The following DMD variants were observed in gnomAD, a reference collection of about 807,000 sequenced individuals.
The protein encoded by DMD is dystrophin.
DMD carries 63 observed loss-of-function variants against 330.1 expected under a neutral mutation model. That is an observed-to-expected ratio of 0.19 (90% CI 0.16 to 0.24). DMD has a LOEUF of 0.24. Among genes scored for constraint, DMD ranks in the 10% least tolerant of loss-of-function variants. The probability of loss-of-function intolerance (pLI) is 1.00; values close to 1 mark genes in which losing one functional copy is unlikely to be tolerated. For missense variants in DMD, 3,344 were observed against 2,684.1 expected (o/e 1.25, Z -5.43); for synonymous variants, 1,223 against 959.8 (o/e 1.27, Z -5.07).
chrX:32,498,880 G>A (rs962752803), intron 19 of DMD, among the ~76,000 whole-genome samples: 4 of 111,261 alleles, frequency 3.6e-5, no homozygotes, highest in Admixed American at 9.6e-5. Flanking sequence ...TGTAACCATG[G>A]TAAATTTTGT....
chrX:31,449,815 GAAATCTGGCT>G (rs2065593019), intron 59 of DMD, among the ~76,000 whole-genome samples: 1 of 89,150 alleles, frequency 1.1e-5, no homozygotes, highest in African/African-American at 4.2e-5. Flanking sequence ...TAGATAGATA[GAAATCTGGCT>G]ATATATATAT....
chrX:31,417,647 A>G (rs1037234183), intron 60 of DMD, among the ~76,000 whole-genome samples: 7 of 110,814 alleles, frequency 6.3e-5, no homozygotes, highest in African/African-American at 2.3e-4. Flanking sequence ...GTACTGCAAT[A>G]TAACTATCTA....
intron 47 of DMD, among the ~76,000 whole-genome samples, chrX:31,879,823 G>A (rs1177134982): frequency 8.9e-6 from 1 of 112,020 alleles, no homozygotes; most frequent in Non-Finnish European, 1.9e-5. Flanking sequence ...CAGATTCTAT[G>A]TGTTTTAAAT....
intron 52 of DMD, among the ~76,000 whole-genome samples, chrX:31,709,190 C>T (rs1191566233): frequency 9.0e-6 from 1 of 111,239 alleles, no homozygotes; most frequent in South Asian, 3.8e-4. Flanking sequence ...GAGAATCACT[C>T]GAAACAGGAG....
intron 1 of DMD, among the ~76,000 whole-genome samples, chrX:33,174,604 G>C (rs755954411): frequency 9.0e-6 from 1 of 111,149 alleles, no homozygotes; most frequent in African/African-American, 3.3e-5. Flanking sequence ...CTTGTACTGG[G>C]ATGGACAAGG....
At chrX:32,460,310 G>A (rs933726791) in intron 25 of DMD, among the ~76,000 whole-genome samples, 3 of 110,297 alleles carry the variant, frequency 2.7e-5, no homozygotes, top group Non-Finnish European at 3.8e-5. Context: ...AGAACAGCAT[G>A]GAGGTTCCTC....
intron 21 of DMD, among the ~76,000 whole-genome samples, chrX:32,484,268 T>A (rs1241403874): frequency 2.7e-5 from 3 of 112,017 alleles, no homozygotes; most frequent in Non-Finnish European, 5.7e-5. Context: ...TGAGTAGAGA[T>A]ATTTTGGAGC....
chrX:31,676,696 C>G (rs1424766408), intron 53 of DMD, among the ~76,000 whole-genome samples: 2 of 111,984 alleles, frequency 1.8e-5, no homozygotes, highest in African/African-American at 6.5e-5. Context: ...AAAGAAGATT[C>G]TGAACTTCTC....
intron 59 of DMD, among the ~76,000 whole-genome samples, chrX:31,448,882 A>G (rs981780777): frequency 5.3e-5 from 6 of 112,536 alleles, no homozygotes; most frequent in Non-Finnish European, 1.1e-4. Flanking sequence ...GTCTGATATA[A>G]TAAGTTTTTC....
At chrX:32,868,795 C>T (rs780928067) in intron 2 of DMD, among the ~76,000 whole-genome samples, 1 of 112,407 alleles carries the variant, frequency 8.9e-6, no homozygotes, top group Non-Finnish European at 1.9e-5. Flanking sequence ...ATGGTCTCCG[C>T]AGATCAGCGG....
At chrX:32,814,007 ATAT>A (rs1022202188) in intron 6 of DMD, among the ~76,000 whole-genome samples, 5 of 111,658 alleles carry the variant, frequency 4.5e-5, no homozygotes, top group African/African-American at 1.6e-4. Context: ...ATTATCACAC[ATAT>A]TATTATAACC....
At chrX:33,158,547 T>G (rs897967159) in intron 1 of DMD, among the ~76,000 whole-genome samples, 1 of 111,805 alleles carries the variant, frequency 8.9e-6, no homozygotes, top group African/African-American at 3.3e-5. Context: ...AATAGGAAAT[T>G]GTGCCATAAT....
At chrX:32,475,475 C>A (rs190121529) in intron 21 of DMD, among the ~76,000 whole-genome samples, 2 of 111,537 alleles carry the variant, frequency 1.8e-5, no homozygotes, top group East Asian at 5.6e-4. Flanking sequence ...ACTGATTGTA[C>A]CCATCCACGA....
intron 55 of DMD, among the ~76,000 whole-genome samples, chrX:31,519,732 A>G (rs1372048527): frequency 1.8e-5 from 2 of 112,374 alleles, no homozygotes; most frequent in Admixed American, 9.4e-5. Flanking sequence ...AGCCCACAGC[A>G]TAGAGATATT....
chrX:32,639,706 A>G (rs2059326991), intron 11 of DMD, among the ~76,000 whole-genome samples: 1 of 112,114 alleles, frequency 8.9e-6, no homozygotes, highest in African/African-American at 3.2e-5. Context: ...GAAAGGAGGA[A>G]GTATCTGTAT....
chrX:32,863,698 A>T (rs2082268107), intron 2 of DMD, among the ~76,000 whole-genome samples: 1 of 110,804 alleles, frequency 9.0e-6, no homozygotes, highest in Admixed American at 9.6e-5. Flanking sequence ...TAGAGGAAAC[A>T]TTATGGACAA....
intron 55 of DMD, among the ~76,000 whole-genome samples, chrX:31,539,532 T>A (rs974301838): frequency 7.1e-5 from 8 of 111,985 alleles, no homozygotes; most frequent in African/African-American, 2.6e-4. Context: ...CACAGCATCA[T>A]CACAGCAAAT....
chrX:31,348,676 T>C, intron 60 of DMD, 42 bp from the exon 61 acceptor site: 1 of 1,064,090 alleles, frequency 9.4e-7, no homozygotes, highest in East Asian at 3.1e-5. Context: ...TCATTCTATA[T>C]AATGAGGAAC....
At chrX:32,007,083 G>A (rs1342875900) in intron 44 of DMD, among the ~76,000 whole-genome samples, 1 of 70,062 alleles carries the variant, frequency 1.4e-5, no homozygotes, top group African/African-American at 5.4e-5. Flanking sequence ...TGGGGGGAGG[G>A]GGGGAGGGAT....
Sources: allele counts gnomAD v4.1 joint callset (sites outside exome capture counted in the v4.1 genomes callset), GRCh38; gene constraint gnomAD v4.1.1; transcripts MANE v1.5; gene names NCBI Gene and HGNC (gene_info 2026-07-23, HGNC 2026-07-21).